Variants in NEO1 observed in about 807,000 individuals in gnomAD.
NEO1 encodes neogenin.
A neutral mutation model predicts 159.7 loss-of-function variants in NEO1; 63 were observed. The observed-to-expected ratio is 0.39, with a 90% CI of 0.32 to 0.49. The LOEUF (loss-of-function observed/expected upper bound fraction) is 0.49. NEO1 is among the 20% of genes least tolerant of loss of function. The probability of loss-of-function intolerance (pLI) is 0.85; values close to 1 mark genes in which losing one functional copy is unlikely to be tolerated. For missense variants in NEO1, 1,615 were observed against 1,831.0 expected (o/e 0.88, Z 2.15); for synonymous variants, 633 against 662.0 (o/e 0.96, Z 0.67).
At chr15:73,102,322 C>T (rs557880736) in intron 1 of NEO1, among the ~76,000 whole-genome samples, 2 of 152,128 alleles carry the variant, frequency 1.3e-5, no homozygotes, top group Admixed American at 6.5e-5. Context: ...GCCGAGATCA[C>T]GCCACTGCAC....
chr15:73,192,933 G>A (rs1183374195), intron 7 of NEO1, among the ~76,000 whole-genome samples: 2 of 151,912 alleles, frequency 1.3e-5, no homozygotes, highest in Non-Finnish European at 2.9e-5. Context: ...ACATCAATTA[G>A]AAATTAAACT....
intron 4 of NEO1, among the ~76,000 whole-genome samples, chr15:73,135,349 C>G (rs1177730068): frequency 6.6e-6 from 1 of 152,198 alleles, no homozygotes; most frequent in East Asian, 1.9e-4. Context: ...CAACCATTCT[C>G]TCTTTCTTCC....
chr15:73,072,507 T>C (rs181096196), intron 1 of NEO1, among the ~76,000 whole-genome samples: 1 of 152,318 alleles, frequency 6.6e-6, no homozygotes, highest in Non-Finnish European at 1.5e-5. Context: ...TGAGTACATG[T>C]TGCATGCTCT....
rs2039945994 is a variant in NEO1, at chr15:73,249,152, G to T, written c.1699G>T (p.Gly567Trp). 1 of 1,614,016 alleles carries T rather than the reference G, an allele frequency of 6.2e-7. No individual in the cohort carries two copies. The highest frequency in any genetic ancestry group is 8.5e-7 in the Non-Finnish European group (1 of 1,179,936). Residue 567 changes from glycine to tryptophan, a missense_variant, in exon 10 of 29, where the codon GGG (glycine) becomes TGG (tryptophan). Physicochemically the swap from Gly to Trp is radical, Grantham distance 184. Coordinates refer to ENST00000261908, the MANE Select transcript of NEO1 (RefSeq NM_002499.4). The part of the protein sequence containing the change: ...VTWETPVSGN[G>W]EIQNYKLYYM... ...GTGGGAAACACCAGTGTCTGGCAAT[G>T]GGGAAATTCAGAATTATAAATTGTA... is the stretch of plus-strand genomic sequence containing the variant.
chr15:73,230,054 C>A (rs1029956299), intron 7 of NEO1, among the ~76,000 whole-genome samples: 1 of 152,136 alleles, frequency 6.6e-6, no homozygotes, highest in South Asian at 2.1e-4. Flanking sequence ...TAATACTGAA[C>A]GCACAGGAAT....
intron 7 of NEO1, among the ~76,000 whole-genome samples, chr15:73,235,104 T>C (rs1054480807): frequency 1.3e-5 from 2 of 152,188 alleles, no homozygotes; most frequent in African/African-American, 2.4e-5. Context: ...TCCTTTGCCA[T>C]TTCCCTGAGA....
intron 1 of NEO1, among the ~76,000 whole-genome samples, chr15:73,087,167 C>T (rs906498965): frequency 3.9e-5 from 6 of 152,230 alleles, no homozygotes; most frequent in Non-Finnish European, 8.8e-5. Context: ...TTGAGTTAAA[C>T]TCCCATTCTG....
intron 23 of NEO1, among the ~76,000 whole-genome samples, chr15:73,283,950 T>C (rs149477208): frequency 2.9e-4 from 44 of 152,300 alleles, no homozygotes; most frequent in African/African-American, 8.9e-4. Flanking sequence ...GAAAGGATCA[T>C]TGATAATCAA....
intron 4 of NEO1, among the ~76,000 whole-genome samples, chr15:73,127,555 G>C (rs1439121651): frequency 6.6e-6 from 1 of 152,214 alleles, no homozygotes; most frequent in Admixed American, 6.5e-5. Flanking sequence ...CCTGGATACT[G>C]TGAGATGGTC....
At chr15:73,123,766 A>G (rs1319640926) in intron 3 of NEO1, among the ~76,000 whole-genome samples, 1 of 152,036 alleles carries the variant, frequency 6.6e-6, no homozygotes, top group East Asian at 1.9e-4. Context: ...TGCCCCCTCC[A>G]TATTTCTCAT....
At chr15:73,124,055 C>T (rs1009004717) in intron 3 of NEO1, among the ~76,000 whole-genome samples, 6 of 151,940 alleles carry the variant, frequency 3.9e-5, no homozygotes, top group African/African-American at 1.5e-4. Flanking sequence ...CGCCTGTGCA[C>T]GCATATGCAT....
At chr15:73,169,643 C>CT (rs35991255) in intron 5 of NEO1, among the ~76,000 whole-genome samples, 11,232 of 105,218 alleles carry the variant, frequency 0.11, 939 homozygotes, top group South Asian at 0.13. Flanking sequence ...CTCCCCCCTC[C>CT]TTTTTTTTTT....
At chr15:73,054,521 T>A (rs1051625849) in intron 1 of NEO1, among the ~76,000 whole-genome samples, 2 of 152,196 alleles carry the variant, frequency 1.3e-5, no homozygotes, top group African/African-American at 4.8e-5. Flanking sequence ...TAAGTAATTG[T>A]GATAAGCACT....
At chr15:73,257,402 A>G (rs1219045338) in intron 13 of NEO1, among the ~76,000 whole-genome samples, 1 of 152,162 alleles carries the variant, frequency 6.6e-6, no homozygotes, top group Non-Finnish European at 1.5e-5. Context: ...ACATTTTAAA[A>G]TCATATCTGG....
intron 5 of NEO1, among the ~76,000 whole-genome samples, chr15:73,163,964 C>A (rs552367572): frequency 6.6e-6 from 1 of 151,296 alleles, no homozygotes; most frequent in African/African-American, 2.4e-5. Flanking sequence ...TGGTAGGGGC[C>A]GGTGGTGGAT....
At chr15:73,216,727 T>C (rs964541888) in intron 7 of NEO1, among the ~76,000 whole-genome samples, 32 of 152,216 alleles carry the variant, frequency 2.1e-4, no homozygotes, top group Admixed American at 1.4e-3. Flanking sequence ...TGCATAAATG[T>C]CTTCTTTTGA....
At chr15:73,058,159 G>T (rs1218201453) in intron 1 of NEO1, among the ~76,000 whole-genome samples, 1 of 152,182 alleles carries the variant, frequency 6.6e-6, no homozygotes, top group Admixed American at 6.5e-5. Flanking sequence ...AAATGTGTGT[G>T]TAATATTCCA....
intron 25 of NEO1, among the ~76,000 whole-genome samples, chr15:73,292,222 G>C (rs1038144567): frequency 1.3e-5 from 2 of 152,226 alleles, no homozygotes; most frequent in Non-Finnish European, 2.9e-5. Context: ...CACCCATTTT[G>C]TTGACCAGGA....
chr15:73,290,733 C>G (rs2042135452), intron 25 of NEO1, among the ~76,000 whole-genome samples: 1 of 152,172 alleles, frequency 6.6e-6, no homozygotes, highest in African/African-American at 2.4e-5. Context: ...TGAAGCCTTT[C>G]AGACTAGCTA....
Sources: allele counts gnomAD v4.1 joint callset (sites outside exome capture counted in the v4.1 genomes callset), GRCh38; gene constraint gnomAD v4.1.1; transcripts MANE v1.5; gene names NCBI Gene and HGNC (gene_info 2026-07-23, HGNC 2026-07-21).